Variants in SEMA3C observed in about 807,000 individuals in gnomAD.
SEMA3C encodes the protein semaphorin 3C, also known as semaphorin-3C.
In SEMA3C, 47 loss-of-function variants were observed where a neutral mutation model predicts 89.4. The observed-to-expected ratio is 0.53, with a 90% confidence interval of 0.42 to 0.67. The LOEUF (loss-of-function observed/expected upper bound fraction) is 0.67. SEMA3C is among the 30% of genes least tolerant of loss of function. SEMA3C has a pLI of 0.00. For synonymous variants in SEMA3C, 310 were observed against 320.2 expected (o/e 0.97, Z 0.34); for missense variants, 839 against 929.1 (o/e 0.90, Z 1.26).
At chr7:80,853,889 T>C (rs1373436381) in intron 2 of SEMA3C, among the ~76,000 whole-genome samples, 1 of 148,072 alleles carries the variant, frequency 6.8e-6, no homozygotes, top group African/African-American at 2.6e-5. Flanking sequence ...GTACCCCATA[T>C]ATATGTGTGT....
chr7:80,749,156 C>G, intron 16 of SEMA3C, 128 bp from the exon 17 acceptor site: 1 of 945,838 alleles, frequency 1.1e-6, no homozygotes, highest in African/African-American at 1.7e-5. Context: ...TCGCAGCCAG[C>G]AAAAAACAGT....
At position 80,743,678 on chromosome 7, in the gene SEMA3C, G is replaced by GGA. The variant is rs998747129; in HGVS notation, c.*1214_*1215dup. The GGA allele has an allele frequency of 6.6e-6, 1 of 151,332 alleles. No homozygotes were observed. The highest frequency in any genetic ancestry group is 2.4e-5 in the African/African-American group (1 of 41,136). The allele number at this position is 151,332 out of a possible 1,614,324, so 9.4% of individuals were successfully genotyped here. A position where few individuals can be genotyped will look rare whatever the true frequency, so the allele number is the denominator to read the frequency against. On this transcript the variant is annotated 3_prime_UTR_variant, in exon 18 of 18. Coordinates refer to ENST00000265361, the MANE Select transcript of SEMA3C (RefSeq NM_006379.5). ...ATAAAATTATTCTAACATACAATTA[G>GGA]GAGATAATTATTTTATTCATCACAA...
intron 12 of SEMA3C, among the ~76,000 whole-genome samples, chr7:80,776,138 G>C (rs1367423791): frequency 6.6e-6 from 1 of 151,968 alleles, no homozygotes; most frequent in Non-Finnish European, 1.5e-5. Flanking sequence ...CTCACATGCT[G>C]AACACCGTAT....
upstream of SEMA3C, among the ~76,000 whole-genome samples, chr7:80,919,503 T>G (rs1792367319): frequency 6.6e-6 from 1 of 152,292 alleles, no homozygotes; most frequent in South Asian, 2.1e-4. Context: ...CTGCAGCCTT[T>G]TAAGGCAAAG....
At chr7:80,831,912 G>T (rs2115832105) in intron 2 of SEMA3C, among the ~76,000 whole-genome samples, 1 of 152,178 alleles carries the variant, frequency 6.6e-6, no homozygotes, top group African/African-American at 2.4e-5. Flanking sequence ...AGATATATTT[G>T]GTAGAGAAAG....
chr7:80,911,295 C>T (rs947759600), intron 2 of SEMA3C, among the ~76,000 whole-genome samples: 1 of 152,204 alleles, frequency 6.6e-6, no homozygotes, highest in Non-Finnish European at 1.5e-5. Context: ...ACAGAAATGG[C>T]TGCCACAAAG....
At position 80,903,619 on chromosome 7, in the gene SEMA3C, G is replaced by A. The variant is rs530768966; in HGVS notation, c.103+13060C>T. On this transcript the variant is annotated intron_variant, in intron 2 of 17. Coordinates refer to ENST00000265361, the MANE Select transcript of SEMA3C (RefSeq NM_006379.5). ...AAAGGTTGCAGTGAGCTGAGATCAC[G>A]CCACTGCACTCCAGCCTGGGTGACA... 1.9e-3 allele frequency among the ~76,000 whole-genome samples: 290 copies of A among 152,144 alleles called. 3 individuals are homozygous for A. The highest frequency in any genetic ancestry group is 6.0e-3 in the African/African-American group (247 of 41,510).
At chr7:80,859,049 G>A (rs1403767300) in intron 2 of SEMA3C, among the ~76,000 whole-genome samples, 1 of 151,570 alleles carries the variant, frequency 6.6e-6, no homozygotes, top group African/African-American at 2.4e-5. Context: ...TGAAACCTTT[G>A]AAACTCCCTC....
chr7:80,850,565 C>A (rs535028388), intron 2 of SEMA3C, among the ~76,000 whole-genome samples: 1 of 152,090 alleles, frequency 6.6e-6, no homozygotes, highest in South Asian at 2.1e-4. Flanking sequence ...CAAAAGTAAT[C>A]TATGGTCATA....
In SEMA3C at chr7:80,758,418, G is replaced by A. The variant is rs375701517; in HGVS notation, c.1556C>T (p.Thr519Ile). The change falls in exon 15 of 18, where the codon ACA becomes ATA. Residue 519 changes from threonine (T) to isoleucine (I), a missense_variant. Physicochemically the swap from Thr to Ile is moderately conservative, Grantham distance 89. Coordinates refer to ENST00000265361, the MANE Select transcript of SEMA3C (RefSeq NM_006379.5). ...CGCCAGGCAGCAGTCAGCACAGGCT[G>A]TACCATAGATGTGGCAGCGGTGCAG... ...VSLHRCHIYG[T>I]ACADCCLARD... 5 of 1,613,980 alleles carry A rather than the reference G, an allele frequency of 3.1e-6. No individual in the cohort carries two copies. The highest frequency in any genetic ancestry group is 4.5e-5 in the East Asian group (2 of 44,888).
chr7:80,863,727 A>ATG (rs1790835615), intron 2 of SEMA3C, among the ~76,000 whole-genome samples: 1 of 148,098 alleles, frequency 6.8e-6, no homozygotes, highest in Non-Finnish European at 1.5e-5. Context: ...ACAGATATAT[A>ATG]TATCACATAT....
intron 2 of SEMA3C, among the ~76,000 whole-genome samples, chr7:80,916,446 T>C (rs1419169180): frequency 6.6e-6 from 1 of 152,172 alleles, no homozygotes; most frequent in Non-Finnish European, 1.5e-5. Flanking sequence ...AGAATTATTT[T>C]ACAAAAAGCA....
chr7:80,889,899 C>A (rs1345501148), intron 2 of SEMA3C, among the ~76,000 whole-genome samples: 1 of 152,032 alleles, frequency 6.6e-6, no homozygotes, highest in Non-Finnish European at 1.5e-5. Flanking sequence ...TCAGATTATA[C>A]CTTTGGTATC....
intron 5 of SEMA3C, among the ~76,000 whole-genome samples, chr7:80,813,285 T>C (rs1789514499): frequency 6.6e-6 from 1 of 152,184 alleles, no homozygotes; most frequent in Non-Finnish European, 1.5e-5. Flanking sequence ...CCTAAAAAAG[T>C]AAATTCAATA....
intron 5 of SEMA3C, among the ~76,000 whole-genome samples, chr7:80,816,583 C>G (rs1789612817): frequency 6.6e-6 from 1 of 152,108 alleles, no homozygotes; most frequent in Admixed American, 6.6e-5. Context: ...TACAATATGG[C>G]TTTTATACTA....
At chr7:80,894,535 C>A (rs531681619) in intron 2 of SEMA3C, among the ~76,000 whole-genome samples, 1 of 151,892 alleles carries the variant, frequency 6.6e-6, no homozygotes, top group African/African-American at 2.4e-5. Flanking sequence ...TCCAAGGTAA[C>A]GGGATTTGAA....
chr7:80,773,990 A>G (rs542892397), intron 12 of SEMA3C, among the ~76,000 whole-genome samples: 4 of 152,354 alleles, frequency 2.6e-5, no homozygotes, highest in Admixed American at 2.6e-4. Flanking sequence ...CATCCAGCTG[A>G]CACAAGAAAG....
At chr7:80,782,232 C>T (rs1394472373) in intron 12 of SEMA3C, among the ~76,000 whole-genome samples, 2 of 152,160 alleles carry the variant, frequency 1.3e-5, no homozygotes, top group African/African-American at 2.4e-5. Flanking sequence ...AGGTTAAATT[C>T]GAGCACATAA....
chr7:80,827,650 T>G (rs1258799279), intron 3 of SEMA3C, among the ~76,000 whole-genome samples, 163 bp from the exon 4 acceptor site: 1 of 152,086 alleles, frequency 6.6e-6, no homozygotes, highest in Non-Finnish European at 1.5e-5. Context: ...TTCTATTATT[T>G]TAACAATTAC....
Sources: gnomAD v4.1 joint callset for allele counts (sites outside exome capture counted in the v4.1 genomes callset) on GRCh38, gnomAD v4.1.1 for gene constraint, MANE v1.5 for transcripts, NCBI Gene and HGNC (gene_info 2026-07-23, HGNC 2026-07-21) for gene names.